Variants in SELENOI observed in about 807,000 individuals in gnomAD.
SELENOI encodes ethanolaminephosphotransferase 1.
A neutral mutation model predicts 50.7 loss-of-function variants in SELENOI; 24 were observed. That is an observed-to-expected ratio of 0.47 (90% CI 0.34 to 0.67). The LOEUF is 0.67. SELENOI is among the 30% of genes least tolerant of loss of function. The pLI, the probability that SELENOI is intolerant of heterozygous loss-of-function variation, is 0.01. For synonymous variants in SELENOI, 155 were observed against 170.2 expected (o/e 0.91, Z 0.70); for missense variants, 352 against 461.4 (o/e 0.76, Z 2.17).
chr2:26,348,331 A>C (rs1029063096), intron 1 of SELENOI, among the ~76,000 whole-genome samples: 7 of 152,240 alleles, frequency 4.6e-5, no homozygotes, highest in Non-Finnish European at 8.8e-5. Context: ...TATAAGAGGG[A>C]TGTAAAGAAG....
Position 26,385,052 on chromosome 2 carries a change from G to A in SELENOI, c.825G>A (p.Ala275=), listed in dbSNP as rs775151096. 3.1e-5 allele frequency: 50 copies of A among 1,612,616 alleles called. No individual in the cohort carries two copies. Among genetic ancestry groups the A allele is most frequent in the Admixed American group, 2.5e-4 (15 of 59,922 alleles). Residue 275 remains alanine (A), a synonymous_variant, in exon 8 of 10, where the codon GCG becomes GCA. Coordinates refer to ENST00000260585, the MANE Select transcript of SELENOI (RefSeq NM_033505.4). The part of the protein sequence containing the change: ...SPCLLFILST[A]WILWSPSDIL... ...GCTTGCTGTTCATTTTGTCTACAGC[G>A]TGGATCCTTTGGTCACCTTCAGATA...
intron 1 of SELENOI, 64 bp downstream of exon 1, chr2:26,346,353 C>G (rs1188292063): frequency 2.0e-5 from 30 of 1,525,762 alleles, no homozygotes; most frequent in Non-Finnish European, 2.3e-5. Flanking sequence ...CTGAGGGGCC[C>G]GCGCGGCGCG....
intron 1 of SELENOI, among the ~76,000 whole-genome samples, chr2:26,358,262 G>C (rs958705199): frequency 6.6e-6 from 1 of 152,092 alleles, no homozygotes; most frequent in Admixed American, 6.6e-5. Flanking sequence ...ATTTAGCCAG[G>C]CTATGGGGTG....
At chr2:26,363,041 T>C (rs11898936) in intron 1 of SELENOI, among the ~76,000 whole-genome samples, 5,548 of 152,274 alleles carry the variant, frequency 0.036, 232 homozygotes, top group African/African-American at 0.1. Context: ...ACATTCTTAT[T>C]AAATAGCTCA....
At chr2:26,380,191 G>A (rs745510209) in intron 6 of SELENOI, among the ~76,000 whole-genome samples, 2 of 152,094 alleles carry the variant, frequency 1.3e-5, no homozygotes, top group Non-Finnish European at 2.9e-5. Flanking sequence ...TACAGAATGA[G>A]GTATATTCAA....
intron 1 of SELENOI, among the ~76,000 whole-genome samples, chr2:26,357,330 C>T (rs1016589052): frequency 2.0e-5 from 3 of 152,160 alleles, no homozygotes; most frequent in African/African-American, 7.2e-5. Flanking sequence ...GCTTAAATGT[C>T]GCCTTCTAGA....
chr2:26,351,227 T>G (rs953048445), intron 1 of SELENOI, among the ~76,000 whole-genome samples: 1 of 151,986 alleles, frequency 6.6e-6, no homozygotes, highest in Non-Finnish European at 1.5e-5. Context: ...CCCGGCTAAT[T>G]TTTGTATTTT....
At chr2:26,369,165 A>G (rs1677354210) in intron 4 of SELENOI, among the ~76,000 whole-genome samples, 1 of 152,164 alleles carries the variant, frequency 6.6e-6, no homozygotes, top group South Asian at 2.1e-4. Context: ...CTGCCTGTAA[A>G]ATGAAGGTAT....
At chr2:26,352,843 G>GAAAA (rs35795789) in intron 1 of SELENOI, among the ~76,000 whole-genome samples, 1 of 126,324 alleles carries the variant, frequency 7.9e-6, no homozygotes, top group Non-Finnish European at 1.7e-5. Flanking sequence ...GGATTCTCTT[G>GAAAA]AAAAAAAAAA....
chr2:26,375,990 G>A (rs908214584), intron 6 of SELENOI, among the ~76,000 whole-genome samples: 3 of 151,124 alleles, frequency 2.0e-5, no homozygotes, highest in Non-Finnish European at 4.4e-5. Flanking sequence ...TGTAATGCTA[G>A]CTACCTGAGA....
At chr2:26,370,143 C>T (rs548409869) in intron 4 of SELENOI, among the ~76,000 whole-genome samples, 20 of 151,530 alleles carry the variant, frequency 1.3e-4, no homozygotes, top group African/African-American at 4.4e-4. Context: ...TGAGTGGACA[C>T]AGCACATGTT....
At chr2:26,357,795 T>C (rs1209896284) in intron 1 of SELENOI, among the ~76,000 whole-genome samples, 2 of 152,192 alleles carry the variant, frequency 1.3e-5, no homozygotes, top group Non-Finnish European at 2.9e-5. Context: ...TGTCTTGCTT[T>C]GTTGCTGATA....
chr2:26,369,517 C>T (rs775502525), intron 4 of SELENOI, among the ~76,000 whole-genome samples: 3 of 152,088 alleles, frequency 2.0e-5, no homozygotes, highest in South Asian at 2.1e-4. Context: ...TCATCTTTTG[C>T]GGCATTTTAT....
At position 26,364,816 on chromosome 2, in the gene SELENOI, T is replaced by C. The variant is rs887555208; in HGVS notation, c.127-16T>C. ...TCCTCTACTTTAATTATTTTATAATTATTTTGCAAAAATAGGTATTTCCTA... is the reference window on the plus strand; with the variant it reads ...TCCTCTACTTTAATTATTTTATAATCATTTTGCAAAAATAGGTATTTCCTA... On this transcript the variant is annotated splice_polypyrimidine_tract_variant and intron_variant, in intron 2 of 9. Transcript: ENST00000260585. 6.4e-7 allele frequency: 1 copy of C among 1,573,262 alleles called. No homozygotes were observed. Among genetic ancestry groups the C allele is most frequent in the Non-Finnish European group, 8.7e-7 (1 of 1,151,276 alleles).
chr2:26,361,030 C>A (rs1463188603), intron 1 of SELENOI, among the ~76,000 whole-genome samples: 1 of 152,216 alleles, frequency 6.6e-6, no homozygotes, highest in East Asian at 1.9e-4. Flanking sequence ...CTGGCTAACA[C>A]GGTGAAACTC....
At chr2:26,361,657 CTT>C (rs756091085) in intron 1 of SELENOI, among the ~76,000 whole-genome samples, 10 of 143,022 alleles carry the variant, frequency 7.0e-5, no homozygotes, top group Admixed American at 7.0e-5. Context: ...ATCATCATTT[CTT>C]TTTTTTTTTT....
chr2:26,351,509 C>G (rs1343203169), intron 1 of SELENOI, among the ~76,000 whole-genome samples: 6 of 152,212 alleles, frequency 3.9e-5, no homozygotes, highest in African/African-American at 1.4e-4. Flanking sequence ...TGTCATAAAT[C>G]AGACTGTACT....
intron 3 of SELENOI, among the ~76,000 whole-genome samples, chr2:26,366,279 T>A (rs1677285937): frequency 6.6e-6 from 1 of 152,212 alleles, no homozygotes; most frequent in South Asian, 2.1e-4. Context: ...GATTAAATTT[T>A]GTTAAGCATT....
intron 1 of SELENOI, among the ~76,000 whole-genome samples, chr2:26,352,009 C>G (rs528133785): frequency 6.6e-6 from 1 of 151,976 alleles, no homozygotes; most frequent in Non-Finnish European, 1.5e-5. Context: ...GGTGTTATGG[C>G]GCATACCTGT....
Sources: allele counts gnomAD v4.1 joint callset (sites outside exome capture counted in the v4.1 genomes callset), GRCh38; gene constraint gnomAD v4.1.1; transcripts MANE v1.5; gene names NCBI Gene and HGNC (gene_info 2026-07-23, HGNC 2026-07-21).